The following POLRMT variants were observed in gnomAD, a reference collection of about 807,000 sequenced individuals.
POLRMT encodes the protein RNA polymerase mitochondrial.
In POLRMT, 114 loss-of-function variants were observed where a neutral mutation model predicts 132.2. The ratio of observed to expected loss-of-function variants is 0.86; its 90% CI spans 0.74 to 1.01. The LOEUF (loss-of-function observed/expected upper bound fraction) is 1.01, where lower values mean the gene tolerates loss of function less well. POLRMT is among the 50% of genes least tolerant of loss of function. POLRMT has a pLI of 0.00. For missense variants in POLRMT, 2,003 were observed against 1,729.1 expected, an observed-to-expected ratio of 1.16 and a Z score of -2.81; for synonymous variants, 1,020 against 773.4, an observed-to-expected ratio of 1.32 and a Z score of -5.29.
intron 3 of POLRMT, among the ~76,000 whole-genome samples, chr19:626,898 C>CACACATAT (rs371959370): frequency 2.0e-5 from 3 of 146,702 alleles, no homozygotes; most frequent in Non-Finnish European, 4.5e-5. Context: ...CACACACACA[C>CACACATAT]ATATATATAT....
chr19:626,696 C>CAAATAAAAAAAAAAAAAAAAA (rs1555676850), intron 3 of POLRMT, among the ~76,000 whole-genome samples: 1 of 105,020 alleles, frequency 9.5e-6, no homozygotes, highest in African/African-American at 4.3e-5. Context: ...ACTAAAAATA[C>CAAATAAAAAAAAAAAAAAAAA]AAAAAAAAAA....
chr19:632,518 T>G (rs1482287462), intron 2 of POLRMT, among the ~76,000 whole-genome samples: 7 of 136,210 alleles, frequency 5.1e-5, no homozygotes, highest in Non-Finnish European at 9.3e-5. Flanking sequence ...TCTGCACATG[T>G]GGCCTTGGCG....
Position 633,536 on chromosome 19 carries a change from C to T in POLRMT, c.-24G>A, listed in dbSNP as rs770534641. On this transcript the variant is annotated 5_prime_UTR_variant, in exon 1 of 21. Transcript: ENST00000588649. ...ATTACGCACGCCGCTCCAGGCCACC[C>T]CACCGGCCCGCGCCTGCGCATGCGC... 4 of 1,424,904 alleles carry T rather than the reference C, an allele frequency of 2.8e-6. No homozygotes were observed. Among genetic ancestry groups the T allele is most frequent in the South Asian group, 1.9e-5 (1 of 52,202 alleles). 88.3% of individuals were successfully genotyped at this position (1,424,904 alleles called of 1,614,324 possible).
Position 629,735 on chromosome 19 carries a change from G to A in POLRMT, c.627C>T (p.Ala209=). ...PGKLSLDVEQ[A]PSGQHSQAQL... is the part of the protein sequence containing the mutation. ...GGGCCTGCGAGTGCTGCCCCGACGG[G>A]GCCTGCTCCACATCGAGGCTCAGCT... The change falls in exon 3 of 21, where the codon GCC becomes GCT. Residue 209 remains alanine, a synonymous_variant. Transcript: ENST00000588649. The A allele has an allele frequency of 6.3e-7, 1 of 1,580,996 alleles. No individual in the cohort carries two copies. The highest frequency in any genetic ancestry group is 8.6e-7 in the Non-Finnish European group (1 of 1,164,968).
At chr19:619,463 G>A (rs1464883590) in intron 13 of POLRMT, 123 bp downstream of exon 13, 19 of 1,412,694 alleles carry the variant, frequency 1.3e-5, no homozygotes, top group South Asian at 8.8e-5. Flanking sequence ...AGCCCTAACA[G>A]GCAGCCAGTG....
At chr19:622,782 G>GC (rs1568169585) in intron 7 of POLRMT, 30 bp from the exon 8 acceptor site, 1 of 1,565,552 alleles carries the variant, frequency 6.4e-7, no homozygotes, top group Admixed American at 1.9e-5. Flanking sequence ...GTGCCTGCCC[G>GC]CCCCGCCCGG....
intron 2 of POLRMT, among the ~76,000 whole-genome samples, chr19:631,309 C>CA (rs931192627): frequency 2.2e-5 from 3 of 137,660 alleles, no homozygotes; most frequent in African/African-American, 8.4e-5. Flanking sequence ...GCCTGAGAGA[C>CA]AGAGCAGGAC....
At chr19:626,212 G>A (rs528845090) in intron 3 of POLRMT, among the ~76,000 whole-genome samples, 4 of 151,010 alleles carry the variant, frequency 2.6e-5, no homozygotes, top group South Asian at 2.1e-4. Flanking sequence ...GTGCAGTGGC[G>A]CAATCTCAGC....
intron 10 of POLRMT, 130 bp downstream of exon 10, chr19:620,923 AGGGGG>A: frequency 3.6e-5 from 3 of 82,858 alleles, no homozygotes; most frequent in Admixed American, 2.1e-4. Context: ...GAAGACGGGC[AGGGGG>A]CGCCAGGGGA....
At chr19:622,554 C>A in intron 8 of POLRMT, 28 bp downstream of exon 8, 1 of 1,573,762 alleles carries the variant, frequency 6.4e-7, no homozygotes, top group Non-Finnish European at 8.6e-7. Context: ...CTGGCCCCAG[C>A]CAGGAGGAGA....
At chr19:619,537 T>C in intron 13 of POLRMT, 49 bp downstream of exon 13, 2 of 1,605,256 alleles carry the variant, frequency 1.2e-6, no homozygotes, top group Non-Finnish European at 8.5e-7. Flanking sequence ...GTCTGAGTTT[T>C]AAATGGCAGT....
At chr19:620,994 G>A (rs1984518772) in intron 10 of POLRMT, 64 bp downstream of exon 10, 11 of 1,243,202 alleles carry the variant, frequency 8.8e-6, no homozygotes, top group Admixed American at 4.0e-5. Flanking sequence ...GGGAGGGCGC[G>A]GGGGCGCCGG....
rs148431777 is a variant in POLRMT, at chr19:619,228, C to G, written c.3135G>C (p.Ser1045=). The G allele has an allele frequency of 1.2e-6, 2 of 1,610,258 alleles. No individual in the cohort carries two copies. Among genetic ancestry groups the G allele is most frequent in the Non-Finnish European group, 1.7e-6 (2 of 1,179,344 alleles). The change falls in exon 14 of 21, where the codon TCG becomes TCC. Residue 1045 remains serine (S), a synonymous_variant. Coordinates refer to ENST00000588649, the MANE Select transcript of POLRMT (RefSeq NM_005035.4). ...GACGTACCTGGATGGCCCGGGTCCC[C>G]GAGAACATCTCCTGTAGACTCTTGA... ...QVFKSLQEMF[S]GTRAIQHWLT...
chr19:628,958 C>T (rs1424357191), intron 3 of POLRMT, among the ~76,000 whole-genome samples: 1 of 151,994 alleles, frequency 6.6e-6, no homozygotes, highest in Non-Finnish European at 1.5e-5. Flanking sequence ...GAGCCGAGAT[C>T]GCACCACCGC....
Position 629,944 on chromosome 19 carries a change from A to G in POLRMT, c.418T>C (p.Leu140=). ...AATGGCATCTGCAGCTTCGCCTTCA[A>G]CCGCTGCATACGCATCTGCTGGGTC... The part of the protein sequence containing the change: ...KRTQQMRMQR[L]KAKLQMPFQS... The change falls in exon 3 of 21, where the codon TTG becomes CTG. Residue 140 remains leucine (L), a synonymous_variant. Coordinates refer to ENST00000588649, the MANE Select transcript of POLRMT (RefSeq NM_005035.4). The G allele has an allele frequency of 6.2e-7, 1 of 1,613,674 alleles. No homozygotes were observed. Among genetic ancestry groups the G allele is most frequent in the Non-Finnish European group, 8.5e-7 (1 of 1,180,014 alleles).
At chr19:632,545 G>GGGGGGT in intron 2 of POLRMT, among the ~76,000 whole-genome samples, 1 of 151,248 alleles carries the variant, frequency 6.6e-6, no homozygotes, top group South Asian at 2.1e-4. Context: ...CCGGGGGGGG[G>GGGGGGT]GTCTCTCCAG....
At chr19:629,153 T>C (rs1474762254) in intron 3 of POLRMT, among the ~76,000 whole-genome samples, 1 of 151,806 alleles carries the variant, frequency 6.6e-6, no homozygotes, top group African/African-American at 2.4e-5. Flanking sequence ...CACAGAAGGA[T>C]CTCAGCACAG....
At chr19:626,968 T>C (rs1329064916) in intron 3 of POLRMT, among the ~76,000 whole-genome samples, 1 of 151,652 alleles carries the variant, frequency 6.6e-6, no homozygotes, top group Non-Finnish European at 1.5e-5. Context: ...CTGACATCCC[T>C]GTTCTGAGCA....
chr19:626,145 G>A (rs1985001154), intron 3 of POLRMT, among the ~76,000 whole-genome samples: 1 of 151,298 alleles, frequency 6.6e-6, no homozygotes, highest in South Asian at 2.1e-4. Flanking sequence ...CTTCTTCTTT[G>A]GAAATTTTAT....
Sources: allele counts gnomAD v4.1 joint callset (sites outside exome capture counted in the v4.1 genomes callset), GRCh38; gene constraint gnomAD v4.1.1; transcripts MANE v1.5; gene names NCBI Gene and HGNC (gene_info 2026-07-23, HGNC 2026-07-21).